The following GREB1 variants were observed in gnomAD, a reference collection of about 807,000 sequenced individuals.
The protein encoded by GREB1 is growth regulating estrogen receptor binding 1.
GREB1 carries 106 observed loss-of-function variants against 200.7 expected under a neutral mutation model. That is an observed-to-expected ratio of 0.53 (90% CI 0.45 to 0.62). The LOEUF (loss-of-function observed/expected upper bound fraction) is 0.62, where lower values mean the gene tolerates loss of function less well. GREB1 is among the 20% of genes least tolerant of loss of function. GREB1 has a pLI of 0.00. For missense variants in GREB1, 2,243 were observed against 2,556.8 expected, an observed-to-expected ratio of 0.88 and a Z score of 2.65; for synonymous variants, 1,132 against 1,092.4, an observed-to-expected ratio of 1.04 and a Z score of -0.72.
At chr2:11,522,815 G>A (rs935235573) in intron 1 of GREB1, among the ~76,000 whole-genome samples, 6 of 152,244 alleles carry the variant, frequency 3.9e-5, no homozygotes, top group Non-Finnish European at 7.3e-5. Flanking sequence ...CTTTGCCTGT[G>A]CAGGCTTGAA....
chr2:11,578,189 T>C, intron 5 of GREB1, 108 bp from the exon 6 acceptor site: 1 of 1,207,578 alleles, frequency 8.3e-7, no homozygotes, highest in African/African-American at 1.5e-5. Context: ...CTTGTGTGGC[T>C]GTCTCCATAG....
intron 4 of GREB1, among the ~76,000 whole-genome samples, chr2:11,571,355 G>T (rs959390640): frequency 6.6e-6 from 1 of 152,090 alleles, no homozygotes; most frequent in Non-Finnish European, 1.5e-5. Context: ...TGTCTTCCTG[G>T]AATTGCCTTC....
At chr2:11,495,597 G>A (rs760729278) in intron 1 of GREB1, among the ~76,000 whole-genome samples, 3 of 152,010 alleles carry the variant, frequency 2.0e-5, no homozygotes, top group Non-Finnish European at 2.9e-5. Context: ...ACAACCTTAC[G>A]AGGTAGATGG....
chr2:11,508,680 C>A (rs145411958), intron 1 of GREB1, among the ~76,000 whole-genome samples: 4 of 152,228 alleles, frequency 2.6e-5, no homozygotes, highest in African/African-American at 9.6e-5. Flanking sequence ...CCTTTTAAAG[C>A]CAACATAAAC....
chr2:11,637,950 A>T, intron 31 of GREB1, 34 bp downstream of exon 31: 2 of 1,537,618 alleles, frequency 1.3e-6, no homozygotes, highest in South Asian at 1.1e-5. Context: ...CGAATCCCTA[A>T]TTCAGAGAAA....
rs143253715 is a variant in GREB1, at chr2:11,600,704, A to G, written c.2334-96A>G. On this transcript the variant is annotated intron_variant, in intron 15 of 32. Coordinates refer to ENST00000381486, the MANE Select transcript of GREB1 (RefSeq NM_014668.4). ...AGCCATAATCTTTAGTCGTTGGTAAAGTCAGGGGTTAGTTATAAATTTATT... is the reference window on the plus strand; with the variant it reads ...AGCCATAATCTTTAGTCGTTGGTAAGGTCAGGGGTTAGTTATAAATTTATT... The G allele has an allele frequency of 3.2e-4, 302 of 953,774 alleles. No homozygotes were observed. In the African/African-American group the frequency reaches 4.6e-3, roughly 14 times the overall value. The allele number at this position is 953,774 out of a possible 1,614,324, so 59.1% of individuals were successfully genotyped here.
chr2:11,585,989 C>A, intron 9 of GREB1, 84 bp downstream of exon 9: 3 of 1,390,710 alleles, frequency 2.2e-6, no homozygotes, highest in East Asian at 2.3e-5. Flanking sequence ...GACCTCATCC[C>A]GGTCTGACTC....
intron 11 of GREB1, 51 bp downstream of exon 11, chr2:11,593,177 G>A (rs774634717): frequency 2.4e-6 from 3 of 1,275,280 alleles, no homozygotes; most frequent in South Asian, 1.5e-5. Flanking sequence ...CGGTGTTCCC[G>A]GTCCCCTCCT....
At chr2:11,490,227 T>C (rs115970963) in intron 1 of GREB1, among the ~76,000 whole-genome samples, 5,256 of 152,196 alleles carry the variant, frequency 0.035, 308 homozygotes, top group African/African-American at 0.11. Context: ...CCTCTCCCAG[T>C]CCCTGACCAC....
chr2:11,627,762 C>T (rs1684586131), intron 25 of GREB1, among the ~76,000 whole-genome samples: 1 of 152,218 alleles, frequency 6.6e-6, no homozygotes, highest in Non-Finnish European at 1.5e-5. Context: ...GCCTGCAAGC[C>T]ACCCAAGGTG....
chr2:11,512,940 G>A (rs1303449242), intron 1 of GREB1, among the ~76,000 whole-genome samples: 1 of 152,208 alleles, frequency 6.6e-6, no homozygotes, highest in African/African-American at 2.4e-5. Context: ...AGTTGTTGGG[G>A]CAGTGAGGGT....
upstream of GREB1, among the ~76,000 whole-genome samples, chr2:11,531,421 G>A (rs1674070620): frequency 6.6e-6 from 1 of 151,988 alleles, no homozygotes; most frequent in African/African-American, 2.4e-5. Flanking sequence ...GGAATTTCAT[G>A]ATTATAATTT....
Position 11,543,805 on chromosome 2 carries a change from C to T in GREB1, c.-162+9551C>T, listed in dbSNP as rs543778034. Among the ~76,000 whole-genome samples the T allele has an allele frequency of 1.2e-4, 18 of 152,220 alleles. No homozygotes were observed. In the South Asian group the frequency reaches 1.9e-3, roughly 16 times the overall value. On this transcript the variant is annotated intron_variant, in intron 1 of 32. Transcript: ENST00000381486. ...TGTGTTCTCAGCACCTCGTGGGCCTCGGTGTCCATGTTCGTGTGCAGGGGT... is the reference window on the plus strand; with the variant it reads ...TGTGTTCTCAGCACCTCGTGGGCCTTGGTGTCCATGTTCGTGTGCAGGGGT...
chr2:11,576,755 G>A (rs1334065892), intron 5 of GREB1, among the ~76,000 whole-genome samples: 1 of 152,212 alleles, frequency 6.6e-6, no homozygotes, highest in Non-Finnish European at 1.5e-5. Flanking sequence ...TCGACAGAGG[G>A]CCAGTTGTGG....
rs1356535919 is a variant in GREB1 at position 11,580,733 on chromosome 2, G to A, written c.802G>A (p.Ala268Thr). The A allele has an allele frequency of 5.0e-6, 8 of 1,613,878 alleles. No homozygotes were observed. The highest frequency in any genetic ancestry group is 1.7e-5 in the Admixed American group (1 of 60,008). The change falls in exon 7 of 33, where the codon GCA (alanine) becomes ACA (threonine). Residue 268 changes from alanine to threonine, a missense_variant. By Grantham distance (58) the Ala-to-Thr change is moderately conservative (BLOSUM62 0). Coordinates refer to ENST00000381486, the MANE Select transcript of GREB1 (RefSeq NM_014668.4). The surrounding 1 kb of genome is among the most constrained non-coding windows in gnomAD (Gnocchi z 4.5). ...AGCTTCTGATCACCCCTCACTAAACGCAGCAATGGGTCCGGCTGTTTTCAA... is the reference window on the plus strand; with the variant it reads ...AGCTTCTGATCACCCCTCACTAAACACAGCAATGGGTCCGGCTGTTTTCAA... Reference protein sequence around the residue: ...GPASDHPSLNAAMGPAVFNGK... With the variant: ...GPASDHPSLNTAMGPAVFNGK...
chr2:11,615,083 C>T lies in GREB1; in HGVS notation c.3123-8C>T. 6.2e-7 allele frequency: 1 copy of T among 1,609,624 alleles called. No individual in the cohort carries two copies. Among genetic ancestry groups the T allele is most frequent in the Non-Finnish European group, 8.5e-7 (1 of 1,175,896 alleles). On this transcript the variant is annotated splice_region_variant and splice_polypyrimidine_tract_variant and intron_variant, in intron 19 of 32. Transcript: ENST00000381486. ...ACTAAACAGACACCTTCTTCTGTGTCTTGCTAGGTCTTTGAGGTACTGTGA... is the reference window on the plus strand; with the variant it reads ...ACTAAACAGACACCTTCTTCTGTGTTTTGCTAGGTCTTTGAGGTACTGTGA...
chr2:11,499,470 C>T (rs1672972240), intron 1 of GREB1, among the ~76,000 whole-genome samples: 1 of 152,258 alleles, frequency 6.6e-6, no homozygotes, highest in African/African-American at 2.4e-5. Context: ...GGTCTCTCTC[C>T]ATGGGGAATA....
chr2:11,617,693 G>C lies in GREB1; in HGVS notation c.3413-595G>C, dbSNP rs542968130. On this transcript the variant is annotated intron_variant, in intron 21 of 32. Transcript: ENST00000381486. Reference sequence around the variant, plus strand: ...ACGTGCAGGGCCTGGGTGCGGGGACGGGTGTGTGCGGTGGCCGCAGGCTCC... The same window carrying C: ...ACGTGCAGGGCCTGGGTGCGGGGACCGGTGTGTGCGGTGGCCGCAGGCTCC... Among the ~76,000 whole-genome samples the C allele has an allele frequency of 2.0e-5, 3 of 152,300 alleles. No homozygotes were observed. In the South Asian group the frequency reaches 6.2e-4, roughly 32 times the overall value.
chr2:11,507,622 T>C (rs1401422482), intron 1 of GREB1, among the ~76,000 whole-genome samples: 1 of 152,192 alleles, frequency 6.6e-6, no homozygotes, highest in East Asian at 1.9e-4. Context: ...AAATGGGTAT[T>C]ATTTTGACTA....
Sources: allele counts gnomAD v4.1 joint callset (sites outside exome capture counted in the v4.1 genomes callset), GRCh38; gene constraint gnomAD v4.1.1; non-coding constraint Gnocchi (gnomAD v3.1); transcripts MANE v1.5; gene names NCBI Gene and HGNC (gene_info 2026-07-23, HGNC 2026-07-21).